MTMR8: variants seen among roughly 807,000 people sequenced by gnomAD.
MTMR8 encodes the protein myotubularin related protein 8, also known as phosphatidylinositol-3,5-bisphosphate 3-phosphatase MTMR8.
A neutral mutation model predicts 39.3 loss-of-function variants in MTMR8; 65 were observed. That is an observed-to-expected ratio of 1.65 (90% CI 1.35 to 2.03). The LOEUF is 2.03. MTMR8 is among the 30% of genes most tolerant of loss of function. The pLI, the probability that MTMR8 is intolerant of heterozygous loss-of-function variation, is 0.00. For synonymous variants in MTMR8, 245 were observed against 185.2 expected, an observed-to-expected ratio of 1.32 and a Z score of -2.62; for missense variants, 777 against 538.9, an observed-to-expected ratio of 1.44 and a Z score of -4.37.
intron 12 of MTMR8, 82 bp downstream of exon 12, chrX:64,328,690 G>T (rs1431040990): frequency 1.0e-6 from 1 of 954,269 alleles, no homozygotes; most frequent in East Asian, 3.4e-5. Context: ...TGTACAGATG[G>T]TGGCAGCTAT....
chrX:64,356,734 AGCAGGTATTGT>A (rs894989731), intron 2 of MTMR8, among the ~76,000 whole-genome samples: 1 of 111,429 alleles, frequency 9.0e-6, no homozygotes, highest in African/African-American at 3.3e-5. Context: ...AATTATTAAT[AGCAGGTATTGT>A]GCCTTATCAT....
intron 7 of MTMR8, among the ~76,000 whole-genome samples, chrX:64,344,268 G>A (rs1401974805): frequency 8.9e-6 from 1 of 111,872 alleles, no homozygotes; most frequent in Non-Finnish European, 1.9e-5. Context: ...AAAGAAAGGA[G>A]TAAGAGACCT....
chrX:64,343,344 G>A (rs1294585341), intron 8 of MTMR8, among the ~76,000 whole-genome samples: 2 of 111,462 alleles, frequency 1.8e-5, no homozygotes, highest in African/African-American at 6.5e-5. Context: ...TTTCCAGTGG[G>A]GGAGAGGGTT....
chrX:64,307,390 G>A (rs760796975), intron 12 of MTMR8, among the ~76,000 whole-genome samples: 96 of 112,140 alleles, frequency 8.6e-4, no homozygotes, highest in Non-Finnish European at 1.7e-3. Context: ...TTTGTATAAA[G>A]TATGAGGTGT....
In MTMR8 at chrX:64,331,420, A is replaced by C. The variant is rs773012202; in HGVS notation, c.1352+137T>G. 1.2e-5 allele frequency: 6 copies of C among 505,760 alleles called. No homozygotes were observed. In the South Asian group the frequency reaches 1.6e-4, roughly 14 times the overall value. The allele number at this position is 505,760 out of a possible 1,213,427, so 41.7% of individuals were successfully genotyped here. A position where few individuals can be genotyped will look rare whatever the true frequency, so the allele number is the denominator to read the frequency against. ...TCTCTGTGCAAACATTGAGTGCTTTATGCTTCAAAAGTTCTTTTTATTATT... is the reference window on the plus strand; with the variant it reads ...TCTCTGTGCAAACATTGAGTGCTTTCTGCTTCAAAAGTTCTTTTTATTATT... On this transcript the variant is annotated intron_variant, in intron 11 of 13. Coordinates refer to ENST00000374852, the MANE Select transcript of MTMR8 (RefSeq NM_017677.4).
At chrX:64,380,748 T>A (rs961764462) in intron 1 of MTMR8, among the ~76,000 whole-genome samples, 6 of 111,324 alleles carry the variant, frequency 5.4e-5, no homozygotes, top group African/African-American at 2.0e-4. Context: ...TCCCCCCTCC[T>A]TCCACCCTAC....
Position 64,273,604 on chromosome X carries a change from T to C in MTMR8, c.1482-2531A>G, listed in dbSNP as rs184036574. Among the ~76,000 whole-genome samples the C allele has an allele frequency of 1.8e-3, 203 of 111,372 alleles. 2 individuals carry two copies. In the East Asian group the frequency reaches 0.03, roughly 16 times the overall value. On this transcript the variant is annotated intron_variant, in intron 12 of 13. Coordinates refer to ENST00000374852, the MANE Select transcript of MTMR8 (RefSeq NM_017677.4). ...AAAATGGCAACAGTAAATCCTCCCC[T>C]ATCAATAATTACTTGAAATATATAC... is the stretch of plus-strand genomic sequence containing the variant.
At chrX:64,292,015 G>T (rs1921413750) in intron 12 of MTMR8, among the ~76,000 whole-genome samples, 1 of 111,728 alleles carries the variant, frequency 9.0e-6, no homozygotes, top group Non-Finnish European at 1.9e-5. Context: ...CCACATGTGG[G>T]TTACCCCAGA....
At chrX:64,360,021 A>G (rs529568898) in intron 1 of MTMR8, among the ~76,000 whole-genome samples, 1 of 110,815 alleles carries the variant, frequency 9.0e-6, no homozygotes. Flanking sequence ...ATCCCAATAT[A>G]GAAGTAATTG....
Position 64,328,904 on chromosome X carries a change from T to C in MTMR8, c.1353-4A>G, listed in dbSNP as rs371976245. Reference sequence around the variant, plus strand: ...AGAATGTGTTTTCTCATAGACTCTGTTAGAAAAGAAAAACAAGCCAAAAAA... The same window carrying C: ...AGAATGTGTTTTCTCATAGACTCTGCTAGAAAAGAAAAACAAGCCAAAAAA... On this transcript the variant is annotated splice_polypyrimidine_tract_variant and splice_region_variant and intron_variant, in intron 11 of 13. Transcript: ENST00000374852. The C allele has an allele frequency of 8.4e-7, 1 of 1,185,353 alleles. No homozygotes were observed. The highest frequency in any genetic ancestry group is 1.8e-5 in the African/African-American group (1 of 55,760).
chrX:64,359,963 A>C (rs1261061617), intron 1 of MTMR8, among the ~76,000 whole-genome samples: 1 of 109,988 alleles, frequency 9.1e-6, no homozygotes, highest in African/African-American at 3.3e-5. Context: ...CAAAACAAAA[A>C]AAAGGAGTAC....
chrX:64,302,707 G>T (rs1343503865), intron 12 of MTMR8, among the ~76,000 whole-genome samples: 1 of 112,295 alleles, frequency 8.9e-6, no homozygotes, highest in Non-Finnish European at 1.9e-5. Context: ...TAGCCCACAT[G>T]AGTATATTTT....
chrX:64,379,050 T>C (rs1418957055), intron 1 of MTMR8, among the ~76,000 whole-genome samples: 6 of 111,595 alleles, frequency 5.4e-5, no homozygotes, highest in Non-Finnish European at 1.1e-4. Context: ...GACCAATACA[T>C]CAAAAGACAC....
intron 11 of MTMR8, among the ~76,000 whole-genome samples, chrX:64,330,142 GT>G (rs1922904915): frequency 8.9e-6 from 1 of 111,754 alleles, no homozygotes; most frequent in East Asian, 2.8e-4. Flanking sequence ...CAACTGTTAT[GT>G]TTTTTAAATG....
intron 1 of MTMR8, among the ~76,000 whole-genome samples, chrX:64,380,635 G>C (rs1924387449): frequency 8.9e-6 from 1 of 112,200 alleles, no homozygotes. Context: ...GGGTACATGT[G>C]CACAATGTGC....
At chrX:64,333,656 C>T (rs776540329) in intron 10 of MTMR8, among the ~76,000 whole-genome samples, 6 of 111,676 alleles carry the variant, frequency 5.4e-5, no homozygotes, top group Non-Finnish European at 1.1e-4. Context: ...GACCCCTTCT[C>T]TTCTACCCCC....
chrX:64,380,642 G>A (rs998979961), intron 1 of MTMR8, among the ~76,000 whole-genome samples: 8 of 112,264 alleles, frequency 7.1e-5, no homozygotes, highest in Non-Finnish European at 1.3e-4. Flanking sequence ...TGTGCACAAT[G>A]TGCAGGTTAG....
chrX:64,320,452 T>C (rs898193946), intron 12 of MTMR8, among the ~76,000 whole-genome samples: 1 of 110,935 alleles, frequency 9.0e-6, no homozygotes, highest in African/African-American at 3.3e-5. Context: ...TATTTTGGCC[T>C]GCCTGGTAGC....
chrX:64,328,671 A>G, intron 12 of MTMR8, 101 bp downstream of exon 12: 1 of 826,066 alleles, frequency 1.2e-6, no homozygotes, highest in East Asian at 3.8e-5. Flanking sequence ...CCTACTCCAT[A>G]GCCAGGCTTG....
Sources: gnomAD v4.1 joint callset for allele counts (sites outside exome capture counted in the v4.1 genomes callset) on GRCh38, gnomAD v4.1.1 for gene constraint, MANE v1.5 for transcripts, NCBI Gene and HGNC (gene_info 2026-07-23, HGNC 2026-07-21) for gene names.